ZNF578: variants seen among roughly 807,000 people sequenced by gnomAD.
ZNF578 encodes zinc finger protein 578.
In ZNF578, 8 loss-of-function variants were observed where a neutral mutation model predicts 8.3. The ratio of observed to expected loss-of-function variants is 0.96; its 90% CI spans 0.56 to 1.74. ZNF578 has a LOEUF of 1.74. Ranked by LOEUF, ZNF578 falls within the 40% of genes most tolerant of loss-of-function variation. ZNF578 has a pLI of 0.00. For synonymous variants in ZNF578, 206 were observed against 232.2 expected, an observed-to-expected ratio of 0.89 and a Z score of 1.03; for missense variants, 726 against 707.5, an observed-to-expected ratio of 1.03 and a Z score of -0.30.
chr19:52,504,322 C>T (rs1347779973), intron 4 of ZNF578, among the ~76,000 whole-genome samples: 2 of 145,336 alleles, frequency 1.4e-5, no homozygotes, highest in Non-Finnish European at 3.1e-5. Flanking sequence ...AACTCTTGAA[C>T]TCAAATAATC....
rs72019256 is a variant in ZNF578 at position 52,498,684 on chromosome 19, C to CTTTTTT, written c.-19-3131_-19-3126dup. On this transcript the variant is annotated intron_variant, in intron 3 of 5. Transcript: ENST00000421239. ...AGGAATGAGCCACCTCGCCTGGCCG[C>CTTTTTT]TTTTTTTTTTTTTTTTTGTAAGACA... is the stretch of plus-strand genomic sequence containing the variant. Among the ~76,000 whole-genome samples, 700 of 106,772 alleles carry CTTTTTT rather than the reference C, an allele frequency of 6.6e-3. 59 individuals carry two copies. The highest frequency in any genetic ancestry group is 0.024 in the African/African-American group (586 of 24,564). 70.0% of individuals were successfully genotyped at this position (106,772 alleles called of 152,430 possible).
intron 2 of ZNF578, among the ~76,000 whole-genome samples, chr19:52,485,439 C>A (rs1441843084): frequency 6.6e-6 from 1 of 152,172 alleles, no homozygotes; most frequent in South Asian, 2.1e-4. Context: ...GGCGCAGGTG[C>A]TTGTCATCTG....
chr19:52,497,776 TTTAG>T (rs1172092886), intron 3 of ZNF578, among the ~76,000 whole-genome samples: 9 of 152,154 alleles, frequency 5.9e-5, no homozygotes, highest in Non-Finnish European at 1.0e-4. Context: ...AACATGAAAA[TTTAG>T]TTAAAGTAGC....
chr19:52,487,949 AGCC>A (rs2059351235), intron 2 of ZNF578, among the ~76,000 whole-genome samples: 1 of 107,390 alleles, frequency 9.3e-6, no homozygotes, highest in Admixed American at 1.1e-4. Flanking sequence ...TGGCCTACAT[AGCC>A]CCCCCCCCTT....
Position 52,511,472 on chromosome 19 carries a change from T to A in ZNF578, c.1091T>A (p.Leu364His), listed in dbSNP as rs2059446236. The A allele has an allele frequency of 1.9e-6, 3 of 1,613,972 alleles. No homozygotes were observed. The Admixed American group carries it at 5.0e-5, about 27-fold the overall frequency. ...TCATCCCTTAGATGCCATCGTAGAC[T>A]TCATACTGGAATAAAACCTTACAAG... ...YKSSLRCHRR[L>H]HTGIKPYKCN... is the part of the protein sequence containing the mutation. Residue 364 changes from leucine to histidine, a missense_variant, in exon 6 of 6, where the codon CTT becomes CAT. Transcript: ENST00000421239.
In ZNF578 at chr19:52,514,179, T is replaced by G. The variant is rs1430819111; in HGVS notation, c.*2025T>G. On this transcript the variant is annotated 3_prime_UTR_variant, in exon 6 of 6. Transcript: ENST00000421239. ...GAGATATATCTTAGTTTTAATAGTT[T>G]TATTTCTTAACACATAATGACTTCT... Among the ~76,000 whole-genome samples, 2 of 152,230 alleles carry G rather than the reference T, an allele frequency of 1.3e-5. No individual in the cohort carries two copies. Among genetic ancestry groups the G allele is most frequent in the Non-Finnish European group, 2.9e-5 (2 of 68,044 alleles).
intron 3 of ZNF578, among the ~76,000 whole-genome samples, chr19:52,496,732 G>C (rs1476917652): frequency 1.3e-5 from 2 of 151,830 alleles, no homozygotes; most frequent in Non-Finnish European, 2.9e-5. Flanking sequence ...TCGCCTCTGG[G>C]GTTCATGTGA....
intron 3 of ZNF578, among the ~76,000 whole-genome samples, chr19:52,495,968 T>C (rs1236131198): frequency 6.6e-6 from 1 of 152,174 alleles, no homozygotes; most frequent in Non-Finnish European, 1.5e-5. Context: ...TTTCTCTTTT[T>C]GTAATTGGTT....
intron 3 of ZNF578, among the ~76,000 whole-genome samples, chr19:52,495,833 T>G (rs544147177): frequency 3.9e-4 from 59 of 152,080 alleles, no homozygotes; most frequent in African/African-American, 1.3e-3. Flanking sequence ...CTTGACTCAT[T>G]CGTTGTGGAT....
intron 5 of ZNF578, among the ~76,000 whole-genome samples, chr19:52,505,435 T>C (rs1010511669): frequency 6.6e-6 from 1 of 152,190 alleles, no homozygotes; most frequent in Non-Finnish European, 1.5e-5. Flanking sequence ...TTTTTTGTTT[T>C]TGTTTTTGAG....
At chr19:52,468,771 C>T (rs1270381255) in intron 2 of ZNF578, among the ~76,000 whole-genome samples, 1 of 152,154 alleles carries the variant, frequency 6.6e-6, no homozygotes, top group Non-Finnish European at 1.5e-5. Context: ...GTGGGATAAC[C>T]TTGCTTGCTG....
intron 5 of ZNF578, among the ~76,000 whole-genome samples, chr19:52,507,918 A>G (rs623683): frequency 0.19 from 28,400 of 152,034 alleles, 2,908 homozygotes; most frequent in Non-Finnish European, 0.23. Context: ...GAGTGGTGGC[A>G]CATGCCTGTA....
intron 3 of ZNF578, among the ~76,000 whole-genome samples, chr19:52,492,190 AGG>A (rs2059367781): frequency 1.5e-5 from 2 of 134,970 alleles, no homozygotes; most frequent in Non-Finnish European, 3.2e-5. Flanking sequence ...AAAAAAAAAA[AGG>A]GAGGGAGAGA....
intron 2 of ZNF578, among the ~76,000 whole-genome samples, chr19:52,468,505 C>G (rs1255107530): frequency 6.6e-6 from 1 of 152,148 alleles, no homozygotes; most frequent in African/African-American, 2.4e-5. Context: ...AGTAAACATT[C>G]AGTGTTATCC....
intron 2 of ZNF578, among the ~76,000 whole-genome samples, chr19:52,461,351 A>T (rs1184745723): frequency 6.6e-6 from 1 of 152,178 alleles, no homozygotes; most frequent in East Asian, 1.9e-4. Flanking sequence ...AGTCTGTCTA[A>T]GATCATTGAT....
At chr19:52,501,710 G>C (rs1006901613) in intron 3 of ZNF578, 117 bp from the exon 4 acceptor site, 32 of 974,386 alleles carry the variant, frequency 3.3e-5, no homozygotes, top group Non-Finnish European at 3.8e-5. Flanking sequence ...CTCTGGTGCA[G>C]TGGGCAGTGG....
Position 52,513,337 on chromosome 19 carries a change from CTTTTT to C in ZNF578, c.*1203_*1207del, listed in dbSNP as rs11318311. ...GCGCCTGGCATTGTTTCTTCTTTTC[CTTTTT>C]TTTTTTTTTTTTTTTTTTTGAGATA... On this transcript the variant is annotated 3_prime_UTR_variant, in exon 6 of 6. Transcript: ENST00000421239. Among the ~76,000 whole-genome samples, 78 of 101,358 alleles carry C rather than the reference CTTTTT, an allele frequency of 7.7e-4. No individual in the cohort carries two copies. Among genetic ancestry groups the C allele is most frequent in the African/African-American group, 2.3e-3 (67 of 29,752 alleles). The allele number at this position is 101,358 out of a possible 152,430, so 66.5% of individuals were successfully genotyped here.
At chr19:52,501,783 T>G in intron 3 of ZNF578, 44 bp from the exon 4 acceptor site, 3 of 1,591,590 alleles carry the variant, frequency 1.9e-6, no homozygotes, top group East Asian at 2.2e-5. Flanking sequence ...AGGAAGGGAG[T>G]GAGTCATATC....
chr19:52,493,678 TG>T (rs1332728791), intron 3 of ZNF578, among the ~76,000 whole-genome samples: 4 of 151,660 alleles, frequency 2.6e-5, no homozygotes, highest in African/African-American at 9.7e-5. Context: ...ATCGAAAGAT[TG>T]GGGGGAAGGG....
Sources: gnomAD v4.1 joint callset for allele counts (sites outside exome capture counted in the v4.1 genomes callset) on GRCh38, gnomAD v4.1.1 for gene constraint, MANE v1.5 for transcripts, NCBI Gene and HGNC (gene_info 2026-07-23, HGNC 2026-07-21) for gene names.